RFT1: variants seen among roughly 807,000 people sequenced by gnomAD.
RFT1 encodes the protein man(5)GlcNAc(2)-PP-dolichol translocation protein RFT1.
A neutral mutation model predicts 62.2 loss-of-function variants in RFT1; 43 were observed. The ratio of observed to expected loss-of-function variants is 0.69; its 90% CI spans 0.54 to 0.89. The LOEUF is 0.89. Among genes scored for constraint, RFT1 ranks in the 40% least tolerant of loss-of-function variants. The pLI is 0.00. For missense variants in RFT1, 605 were observed against 649.9 expected (o/e 0.93, Z 0.75); for synonymous variants, 262 against 264.6 (o/e 0.99, Z 0.10).
At chr3:53,068,100 G>T in the RFT1 span, among the ~76,000 whole-genome samples, 2 of 152,198 alleles carry the variant, frequency 1.3e-5, no homozygotes, top group Non-Finnish European at 2.9e-5. Context: ...CCTGGCTGGA[G>T]GAAGTCAGCC....
the RFT1 span, among the ~76,000 whole-genome samples, chr3:53,082,421 G>A: frequency 6.6e-6 from 1 of 152,140 alleles, no homozygotes; most frequent in Non-Finnish European, 1.5e-5. Flanking sequence ...GTTGCAGTGA[G>A]CTGAGATCGT....
At position 53,096,536 on chromosome 3, in the gene RFT1, T is replaced by C. The variant is rs561275791; in HGVS notation, c.1208+2845A>G. ...GTCTCTACTAAAAATAAAAATAAAA[T>C]TAGCTGGGCATGGTCGCACACCTGT... On this transcript the variant is annotated intron_variant, in intron 11 of 12. Coordinates refer to ENST00000296292, the MANE Select transcript of RFT1 (RefSeq NM_052859.4). Among the ~76,000 whole-genome samples the C allele has an allele frequency of 4.2e-4, 63 of 151,662 alleles. 1 individual carries two copies. Among genetic ancestry groups the C allele is most frequent in the Admixed American group, 1.8e-3 (27 of 15,228 alleles).
At chr3:53,097,990 G>A (rs1211062902) in intron 11 of RFT1, among the ~76,000 whole-genome samples, 1 of 152,198 alleles carries the variant, frequency 6.6e-6, no homozygotes, top group African/African-American at 2.4e-5. Context: ...AATTTAGAGG[G>A]TAATGGCATG....
intron 1 of RFT1, among the ~76,000 whole-genome samples, chr3:53,126,474 A>G (rs1702114834): frequency 6.6e-6 from 1 of 152,218 alleles, no homozygotes; most frequent in African/African-American, 2.4e-5. Context: ...TCTGCCTCAT[A>G]ATATCTAGGA....
chr3:53,080,967 GA>G, the RFT1 span, among the ~76,000 whole-genome samples: 1 of 152,226 alleles, frequency 6.6e-6, no homozygotes, highest in East Asian at 1.9e-4. Flanking sequence ...AAGGGAGAAA[GA>G]ATATAGGGCT....
At chr3:53,093,931 T>G (rs1701069048) in intron 11 of RFT1, among the ~76,000 whole-genome samples, 1 of 152,136 alleles carries the variant, frequency 6.6e-6, no homozygotes, top group Non-Finnish European at 1.5e-5. Context: ...GGAAGAAGGC[T>G]GGAGCCCAGG....
At chr3:53,105,422 C>G (rs938906112) in intron 9 of RFT1, among the ~76,000 whole-genome samples, 5 of 135,166 alleles carry the variant, frequency 3.7e-5, no homozygotes, top group African/African-American at 8.2e-5. Flanking sequence ...CCCGCCCCCC[C>G]CCCCAAAAAG....
chr3:53,121,036 T>G (rs957629070), intron 5 of RFT1, among the ~76,000 whole-genome samples: 1 of 152,230 alleles, frequency 6.6e-6, no homozygotes, highest in African/African-American at 2.4e-5. Flanking sequence ...TAAACATTAA[T>G]GAAAACTACA....
chr3:53,071,576 C>T, the RFT1 span, among the ~76,000 whole-genome samples: 1 of 152,200 alleles, frequency 6.6e-6, no homozygotes, highest in Non-Finnish European at 1.5e-5. Flanking sequence ...CAGACACCAG[C>T]CCTTGACGGG....
At chr3:53,094,569 C>T (rs1317437328) in intron 11 of RFT1, among the ~76,000 whole-genome samples, 3 of 151,952 alleles carry the variant, frequency 2.0e-5, no homozygotes, top group African/African-American at 7.3e-5. Context: ...TCAGAACAAG[C>T]CACTCAAATG....
rs138358519 is a variant in RFT1 at position 53,102,108 on chromosome 3, G to A, written c.1102+1845C>T. On this transcript the variant is annotated intron_variant, in intron 10 of 12. Coordinates refer to ENST00000296292, the MANE Select transcript of RFT1 (RefSeq NM_052859.4). Reference sequence around the variant, plus strand: ...GTGCAGGGAGATGATGACGTGAAGAGCGCAAGGGGGATGATGACGTGAAGA... The same window carrying A: ...GTGCAGGGAGATGATGACGTGAAGAACGCAAGGGGGATGATGACGTGAAGA... Among the ~76,000 whole-genome samples, 680 of 152,188 alleles carry A rather than the reference G, an allele frequency of 4.5e-3. 6 individuals are homozygous for A. Among genetic ancestry groups the A allele is most frequent in the Middle Eastern group, 0.014 (4 of 294 alleles).
chr3:53,078,815 C>A, the RFT1 span, among the ~76,000 whole-genome samples: 1 of 152,202 alleles, frequency 6.6e-6, no homozygotes, highest in Non-Finnish European at 1.5e-5. Context: ...CAGGCTCCAG[C>A]CTTGGTATGC....
At chr3:53,098,328 T>C (rs1701200187) in intron 11 of RFT1, among the ~76,000 whole-genome samples, 1 of 152,210 alleles carries the variant, frequency 6.6e-6, no homozygotes, top group African/African-American at 2.4e-5. Context: ...TGGTCTGGAC[T>C]CTAGTTCTCA....
the RFT1 span, among the ~76,000 whole-genome samples, chr3:53,083,280 G>C: frequency 6.7e-6 from 1 of 148,192 alleles, no homozygotes; most frequent in Non-Finnish European, 1.5e-5. Flanking sequence ...GGGAGGACAA[G>C]CTGGGAGGAT....
intron 5 of RFT1, among the ~76,000 whole-genome samples, chr3:53,121,164 G>A (rs192874916): frequency 1.3e-5 from 2 of 152,238 alleles, no homozygotes; most frequent in African/African-American, 4.8e-5. Context: ...CTAGAACTAG[G>A]AAACAATGAG....
intron 10 of RFT1, among the ~76,000 whole-genome samples, chr3:53,100,417 C>A (rs1036359758): frequency 4.6e-5 from 7 of 152,186 alleles, no homozygotes; most frequent in Non-Finnish European, 7.3e-5. Context: ...TACGACCCAG[C>A]AATTGCACCC....
intron 10 of RFT1, 68 bp from the exon 11 acceptor site, chr3:53,099,554 C>T (rs1701252852): frequency 1.6e-6 from 2 of 1,246,116 alleles, no homozygotes; most frequent in Admixed American, 1.8e-5. Flanking sequence ...CTCAGTGCTG[C>T]TGAGTACCCA....
At chr3:53,123,395 A>G (rs923009112) in intron 3 of RFT1, among the ~76,000 whole-genome samples, 2 of 152,236 alleles carry the variant, frequency 1.3e-5, no homozygotes, top group Admixed American at 1.3e-4. Flanking sequence ...TAGGAATAAA[A>G]AAGATGGCAC....
intron 7 of RFT1, among the ~76,000 whole-genome samples, chr3:53,107,765 GAA>G (rs1242398045): frequency 6.6e-6 from 1 of 152,172 alleles, no homozygotes; most frequent in Non-Finnish European, 1.5e-5. Context: ...CATCTATGAA[GAA>G]AAAGTGTTGA....
Sources: gnomAD v4.1 joint callset for allele counts (sites outside exome capture counted in the v4.1 genomes callset) on GRCh38, gnomAD v4.1.1 for gene constraint, MANE v1.5 for transcripts, NCBI Gene and HGNC (gene_info 2026-07-23, HGNC 2026-07-21) for gene names.